Variants in PAPPA2 observed in about 807,000 individuals in gnomAD.
PAPPA2 encodes pappalysin-2.
A neutral mutation model predicts 176.4 loss-of-function variants in PAPPA2; 86 were observed. The observed-to-expected ratio is 0.49, with a 90% CI of 0.41 to 0.58. The LOEUF (loss-of-function observed/expected upper bound fraction) is 0.58, where lower values mean the gene tolerates loss of function less well. Ranked by LOEUF, PAPPA2 falls within the 20% of genes least tolerant of loss-of-function variation. PAPPA2 has a pLI of 0.00. For synonymous variants in PAPPA2, 809 were observed against 852.2 expected, an observed-to-expected ratio of 0.95 and a Z score of 0.88; for missense variants, 2,073 against 2,256.9, an observed-to-expected ratio of 0.92 and a Z score of 1.65.
intron 9 of PAPPA2, 136 bp from the exon 10 acceptor site, chr1:176,706,223 T>G (rs1263527825): frequency 3.1e-6 from 2 of 655,548 alleles, no homozygotes; most frequent in Admixed American, 3.0e-5. Context: ...TGTAAAAGCA[T>G]TCTTCTAGCT....
chr1:176,688,442 A>T (rs1396286654), intron 4 of PAPPA2, among the ~76,000 whole-genome samples: 2 of 152,240 alleles, frequency 1.3e-5, no homozygotes, highest in Non-Finnish European at 1.5e-5. Flanking sequence ...CTCCAGGTTT[A>T]TTCAAATAAC....
intron 12 of PAPPA2, among the ~76,000 whole-genome samples, chr1:176,729,417 A>G (rs1412770202): frequency 6.6e-6 from 1 of 152,038 alleles, no homozygotes; most frequent in Non-Finnish European, 1.5e-5. Flanking sequence ...AGCTAGCAGG[A>G]CATGTCCCCT....
At chr1:176,721,386 T>A (rs1661609311) in intron 12 of PAPPA2, among the ~76,000 whole-genome samples, 1 of 152,224 alleles carries the variant, frequency 6.6e-6, no homozygotes, top group Non-Finnish European at 1.5e-5. Context: ...TCTTTAATCC[T>A]TTCTACATTT....
chr1:176,784,650 G>A (rs570663542), intron 17 of PAPPA2, among the ~76,000 whole-genome samples: 3 of 151,064 alleles, frequency 2.0e-5, no homozygotes, highest in South Asian at 4.2e-4. Flanking sequence ...GCAGTGGTGC[G>A]ATTTCAGCTC....
At chr1:176,466,588 A>AGTGC (rs1298874189) in intron 1 of PAPPA2, among the ~76,000 whole-genome samples, 1 of 152,196 alleles carries the variant, frequency 6.6e-6, no homozygotes, top group African/African-American at 2.4e-5. Flanking sequence ...GAATCTGATG[A>AGTGC]GTGCTTTAGA....
intron 1 of PAPPA2, among the ~76,000 whole-genome samples, chr1:176,530,333 A>G (rs1288634985): frequency 6.6e-6 from 1 of 152,198 alleles, no homozygotes; most frequent in African/African-American, 2.4e-5. Context: ...CTACTTTTTA[A>G]GAAAACTTAG....
chr1:176,514,049 C>T (rs1274071106), intron 1 of PAPPA2, among the ~76,000 whole-genome samples: 2 of 152,170 alleles, frequency 1.3e-5, no homozygotes, highest in East Asian at 1.9e-4. Flanking sequence ...CAACAAGATA[C>T]TCCCTGTGTT....
chr1:176,493,734 A>G (rs539080014), intron 1 of PAPPA2, among the ~76,000 whole-genome samples: 16 of 152,306 alleles, frequency 1.1e-4, no homozygotes, highest in African/African-American at 3.6e-4. Flanking sequence ...GTGGCTCAGA[A>G]GGCTCTGCTA....
At chr1:176,649,956 T>A (rs1657621273) in intron 3 of PAPPA2, among the ~76,000 whole-genome samples, 1 of 151,624 alleles carries the variant, frequency 6.6e-6, no homozygotes, top group Admixed American at 6.6e-5. Flanking sequence ...TCTTTGTTGA[T>A]TTTCTGTCTG....
chr1:176,739,587 T>C (rs1453352910), intron 12 of PAPPA2, 39 bp from the exon 13 acceptor site: 1 of 1,587,702 alleles, frequency 6.3e-7, no homozygotes, highest in Non-Finnish European at 8.6e-7. Context: ...GATAGCTCAA[T>C]GGAAATAATG....
rs963183889 is a variant in PAPPA2 at position 176,534,920 on chromosome 1, A to G, written c.-916-20487A>G. Among the ~76,000 whole-genome samples, 4 of 152,262 alleles carry G rather than the reference A, an allele frequency of 2.6e-5. No individual in the cohort carries two copies. The East Asian group carries it at 7.7e-4, about 29-fold the overall frequency. On this transcript the variant is annotated intron_variant, in intron 1 of 22. Transcript: ENST00000367662. ...GGGAATCCTGCTTGAACTACACTCA[A>G]ATCCTTTGCAAATTGCTGAATGTCT...
chr1:176,676,200 C>T (rs1186503889), intron 4 of PAPPA2, among the ~76,000 whole-genome samples: 1 of 151,982 alleles, frequency 6.6e-6, no homozygotes, highest in African/African-American at 2.4e-5. Flanking sequence ...ATACACTTGC[C>T]ATATGATCCA....
chr1:176,773,818 CT>C (rs1181328013), intron 17 of PAPPA2, among the ~76,000 whole-genome samples: 2 of 152,070 alleles, frequency 1.3e-5, no homozygotes, highest in Non-Finnish European at 2.9e-5. Flanking sequence ...TCCCTTCCTG[CT>C]TCTTTTCAAG....
chr1:176,712,555 A>G (rs1286852980), intron 12 of PAPPA2, among the ~76,000 whole-genome samples: 1 of 152,242 alleles, frequency 6.6e-6, no homozygotes, highest in East Asian at 1.9e-4. Context: ...ATTGCAATGT[A>G]TGAATACACC....
chr1:176,675,774 T>C (rs935119869), intron 4 of PAPPA2, among the ~76,000 whole-genome samples: 4 of 152,068 alleles, frequency 2.6e-5, no homozygotes, highest in Non-Finnish European at 4.4e-5. Context: ...CCACAGATTC[T>C]AGATATTTTA....
intron 1 of PAPPA2, among the ~76,000 whole-genome samples, chr1:176,475,325 A>G (rs1173855270): frequency 6.6e-6 from 1 of 152,242 alleles, no homozygotes; most frequent in Non-Finnish European, 1.5e-5. Flanking sequence ...TTGGCTTACA[A>G]ATAAACAAAA....
At chr1:176,574,528 A>C (rs1652536166) in intron 2 of PAPPA2, among the ~76,000 whole-genome samples, 1 of 152,186 alleles carries the variant, frequency 6.6e-6, no homozygotes, top group Non-Finnish European at 1.5e-5. Flanking sequence ...ACTGCTGGGC[A>C]GCTCCCTTTG....
intron 1 of PAPPA2, among the ~76,000 whole-genome samples, chr1:176,465,098 G>T (rs767263213): frequency 4.6e-5 from 7 of 152,140 alleles, no homozygotes; most frequent in Admixed American, 3.3e-4. Context: ...TTCTGTGTTT[G>T]TTGCATTCTG....
At position 176,556,889 on chromosome 1, in the gene PAPPA2, G is replaced by T. The variant is rs1204697876; in HGVS notation, c.567G>T (p.Arg189Ser). The T allele has an allele frequency of 1.9e-6, 3 of 1,614,058 alleles. No homozygotes were observed. The highest frequency in any genetic ancestry group is 2.7e-5 in the African/African-American group (2 of 74,916). ...ACGAACCCAAACCAGAGACCCAAAG[G>T]AGGGGCTGGGCCAAGTCCAGGCAGC... ...TLNEPKPETQ[R>S]RGWAKSRQRR... Residue 189 changes from arginine to serine, a missense_variant, in exon 2 of 23, where the codon AGG becomes AGT. Around this residue, in one of 4 missense-constraint regions of PAPPA2, gnomAD observed 1,196 missense variants for 1,330.4 expected, o/e 0.90. Coordinates refer to ENST00000367662, the MANE Select transcript of PAPPA2 (RefSeq NM_020318.3).
Sources: allele counts gnomAD v4.1 joint callset (sites outside exome capture counted in the v4.1 genomes callset), GRCh38; gene constraint gnomAD v4.1.1; regional missense constraint gnomAD v4.1.1; transcripts MANE v1.5; gene names NCBI Gene and HGNC (gene_info 2026-07-23, HGNC 2026-07-21).